Variants in CTNNA3 observed in about 807,000 individuals in gnomAD.
CTNNA3 encodes catenin alpha 3.
CTNNA3 carries 76 observed loss-of-function variants against 95.7 expected under a neutral mutation model. That is an observed-to-expected ratio of 0.79 (90% CI 0.66 to 0.96). CTNNA3 has a LOEUF of 0.96. Ranked by LOEUF, CTNNA3 falls within the 40% of genes least tolerant of loss-of-function variation. The pLI, the probability that CTNNA3 is intolerant of heterozygous loss-of-function variation, is 0.00. For synonymous variants in CTNNA3, 431 were observed against 374.4 expected (o/e 1.15, Z -1.74); for missense variants, 1,191 against 1,089.8 (o/e 1.09, Z -1.31).
intron 13 of CTNNA3, among the ~76,000 whole-genome samples, chr10:66,185,390 C>T (rs1351024873): frequency 6.6e-6 from 1 of 151,836 alleles, no homozygotes; most frequent in Non-Finnish European, 1.5e-5. Context: ...CTTCAAAGAG[C>T]ATTATTTGTA....
At chr10:67,233,396 T>G (rs1395561430) in intron 5 of CTNNA3, among the ~76,000 whole-genome samples, 1 of 150,506 alleles carries the variant, frequency 6.6e-6, no homozygotes. Flanking sequence ...CTGAACAACC[T>G]GCTCCTGAAT....
chr10:67,416,050 G>T (rs1845526973), intron 5 of CTNNA3, among the ~76,000 whole-genome samples: 1 of 152,052 alleles, frequency 6.6e-6, no homozygotes, highest in South Asian at 2.1e-4. Context: ...AATCCTAGAA[G>T]AAAACCCAGG....
At chr10:67,732,987 A>G (rs1402482354) in intron 1 of CTNNA3, among the ~76,000 whole-genome samples, 3 of 152,142 alleles carry the variant, frequency 2.0e-5, no homozygotes, top group African/African-American at 7.2e-5. Context: ...GAGCAAACAC[A>G]CCAAGGTATG....
intron 5 of CTNNA3, among the ~76,000 whole-genome samples, chr10:67,423,373 T>C (rs1845814313): frequency 6.6e-6 from 1 of 152,118 alleles, no homozygotes; most frequent in Non-Finnish European, 1.5e-5. Flanking sequence ...TGTTTAGAGA[T>C]ATTGACATAG....
chr10:67,430,455 T>C (rs895159829), intron 5 of CTNNA3, among the ~76,000 whole-genome samples: 2 of 152,050 alleles, frequency 1.3e-5, no homozygotes, highest in African/African-American at 4.8e-5. Flanking sequence ...GATCTTATTA[T>C]TGTGATTAGG....
At position 66,069,363 on chromosome 10, in the gene CTNNA3, T is replaced by G; in HGVS notation, c.2104A>C (p.Ile702Leu). ...EIWDDTSNDI[I>L]VLAKNMCMIM... ...ATACACATGTTCTTGGCCAGAACAA[T>G]GATGTCGTTGCTTGTATCATCCCAT... Residue 702 changes from isoleucine (I) to leucine (L), a missense_variant, in exon 15 of 18, where the codon ATT (isoleucine) becomes CTT (leucine). By Grantham distance (5) the Ile-to-Leu change is conservative. Transcript: ENST00000433211. 6.2e-7 allele frequency: 1 copy of G among 1,613,768 alleles called. No homozygotes were observed. The highest frequency in any genetic ancestry group is 8.5e-7 in the Non-Finnish European group (1 of 1,179,760).
chr10:66,355,438 C>A (rs543367539), intron 12 of CTNNA3, among the ~76,000 whole-genome samples: 1 of 152,168 alleles, frequency 6.6e-6, no homozygotes, highest in South Asian at 2.1e-4. Flanking sequence ...ACATTATAAA[C>A]CCTCCACGAA....
At chr10:66,787,745 AT>A (rs1840807088) in intron 7 of CTNNA3, among the ~76,000 whole-genome samples, 1 of 152,238 alleles carries the variant, frequency 6.6e-6, no homozygotes, top group Admixed American at 6.5e-5. Flanking sequence ...ATGAAGTATC[AT>A]TCTGGTTACA....
At chr10:66,299,421 A>G (rs188066509) in intron 12 of CTNNA3, among the ~76,000 whole-genome samples, 8 of 152,316 alleles carry the variant, frequency 5.3e-5, no homozygotes, top group Non-Finnish European at 1.2e-4. Flanking sequence ...ATTACAAAAA[A>G]TATAATCCCA....
At chr10:67,066,695 T>C (rs1317230746) in intron 7 of CTNNA3, among the ~76,000 whole-genome samples, 1 of 152,208 alleles carries the variant, frequency 6.6e-6, no homozygotes, top group Non-Finnish European at 1.5e-5. Flanking sequence ...AAACAAATAT[T>C]ATCCCTCTTC....
At chr10:66,444,004 G>T (rs1010250400) in intron 11 of CTNNA3, among the ~76,000 whole-genome samples, 6 of 152,066 alleles carry the variant, frequency 3.9e-5, no homozygotes, top group African/African-American at 1.4e-4. Flanking sequence ...TGAAAGCCAA[G>T]GCTCAAGAAC....
intron 16 of CTNNA3, among the ~76,000 whole-genome samples, chr10:65,984,423 G>A (rs925622160): frequency 6.6e-6 from 1 of 151,190 alleles, no homozygotes; most frequent in Non-Finnish European, 1.5e-5. Context: ...TATTTCTTCA[G>A]AACAAAAGTA....
intron 7 of CTNNA3, among the ~76,000 whole-genome samples, chr10:67,082,853 C>T (rs1027562319): frequency 6.6e-6 from 1 of 152,056 alleles, no homozygotes; most frequent in Admixed American, 6.6e-5. Flanking sequence ...GGGGGATGGA[C>T]CACAATATTA....
chr10:65,973,598 A>G (rs543712072), intron 16 of CTNNA3, among the ~76,000 whole-genome samples: 48 of 152,236 alleles, frequency 3.2e-4, no homozygotes, highest in African/African-American at 1.1e-3. Flanking sequence ...TTATAAAGAA[A>G]AGAAGTTTAA....
chr10:66,042,276 T>C (rs1218500583), intron 15 of CTNNA3, among the ~76,000 whole-genome samples: 1 of 152,168 alleles, frequency 6.6e-6, no homozygotes, highest in Non-Finnish European at 1.5e-5. Flanking sequence ...CTTTCTATAT[T>C]TTTAAAAATT....
chr10:67,489,071 T>G (rs947049420), intron 5 of CTNNA3, among the ~76,000 whole-genome samples: 5 of 152,172 alleles, frequency 3.3e-5, no homozygotes, highest in African/African-American at 7.2e-5. Context: ...TTGATTATTT[T>G]TCCCTAACAT....
At chr10:67,682,768 T>G (rs1840652046) in intron 1 of CTNNA3, among the ~76,000 whole-genome samples, 1 of 152,214 alleles carries the variant, frequency 6.6e-6, no homozygotes, top group Non-Finnish European at 1.5e-5. Flanking sequence ...CCAGGATATA[T>G]GAACAAGCAT....
intron 7 of CTNNA3, among the ~76,000 whole-genome samples, chr10:67,163,454 G>A (rs1861633617): frequency 6.6e-6 from 1 of 151,936 alleles, no homozygotes; most frequent in Admixed American, 6.6e-5. Flanking sequence ...TCTAGAAACA[G>A]AGAAGAACTT....
intron 6 of CTNNA3, among the ~76,000 whole-genome samples, chr10:67,199,563 G>T (rs187973686): frequency 0.017 from 2,571 of 152,106 alleles, 61 homozygotes; most frequent in Non-Finnish European, 0.019. Flanking sequence ...TAGAGACAGG[G>T]TTTCACCGTG....
Sources: allele counts gnomAD v4.1 joint callset (sites outside exome capture counted in the v4.1 genomes callset), GRCh38; gene constraint gnomAD v4.1.1; transcripts MANE v1.5; gene names NCBI Gene and HGNC (gene_info 2026-07-23, HGNC 2026-07-21).